The following TFB1M variants were observed in gnomAD, a reference collection of about 807,000 sequenced individuals.
The protein encoded by TFB1M is transcription factor B1, mitochondrial.
TFB1M carries 27 observed loss-of-function variants against 31.1 expected under a neutral mutation model. That is an observed-to-expected ratio of 0.87 (90% confidence interval 0.64 to 1.20). TFB1M has a LOEUF of 1.20. Ranked by LOEUF, TFB1M falls within the 50% of genes most tolerant of loss-of-function variation. The probability of loss-of-function intolerance (pLI) is 0.00; values close to 1 mark genes in which losing one functional copy is unlikely to be tolerated. For missense variants in TFB1M, 394 were observed against 418.7 expected, an observed-to-expected ratio of 0.94 and a Z score of 0.51; for synonymous variants, 166 against 151.8, an observed-to-expected ratio of 1.09 and a Z score of -0.69.
At chr6:155,311,871 AT>A (rs1160989796) in intron 1 of TFB1M, among the ~76,000 whole-genome samples, 1 of 152,194 alleles carries the variant, frequency 6.6e-6, no homozygotes, top group Non-Finnish European at 1.5e-5. Context: ...AGATCGTAAG[AT>A]TTTCAGAAAT....
rs1201439884 is a variant in TFB1M, at chr6:155,256,931, C to T, written c.*905G>A. On this transcript the variant is annotated 3_prime_UTR_variant, in exon 7 of 7. Coordinates refer to ENST00000367166, the MANE Select transcript of TFB1M (RefSeq NM_016020.4). The stretch of plus-strand genomic sequence containing the variant: ...CACTTCTGCCCCATTAAACGAAAAG[C>T]CAACAGCACCAAGAGGGACAGAGGA... 6.2e-7 allele frequency: 1 copy of T among 1,614,174 alleles called. No individual in the cohort carries two copies. Among genetic ancestry groups the T allele is most frequent in the Non-Finnish European group, 8.5e-7 (1 of 1,180,034 alleles).
At chr6:155,277,909 T>C (rs1219331106) in intron 5 of TFB1M, among the ~76,000 whole-genome samples, 5 of 152,242 alleles carry the variant, frequency 3.3e-5, no homozygotes, top group African/African-American at 4.8e-5. Context: ...ACATAGTCTA[T>C]GTAGCCTTTA....
At chr6:155,285,034 T>C (rs923754233) in intron 5 of TFB1M, 124 bp downstream of exon 5, 3 of 1,270,604 alleles carry the variant, frequency 2.4e-6, no homozygotes, top group African/African-American at 3.0e-5. Context: ...TATTCAGAAG[T>C]AAAGTACAGT....
intron 5 of TFB1M, among the ~76,000 whole-genome samples, chr6:155,261,962 G>C (rs1456334115): frequency 6.6e-6 from 1 of 152,196 alleles, no homozygotes; most frequent in African/African-American, 2.4e-5. Flanking sequence ...ATAAATTTTA[G>C]TAAGTTTTTT....
chr6:155,314,435 C>T lies in TFB1M; in HGVS notation c.-7G>A. On this transcript the variant is annotated 5_prime_UTR_variant, in exon 1 of 7. Coordinates refer to ENST00000367166, the MANE Select transcript of TFB1M (RefSeq NM_016020.4). Reference sequence around the variant, plus strand: ...GTTTTCCGGAGGCAGCCATGATACGCGGCAAGCACCATCCAACCCTACCTC... The same window carrying T: ...GTTTTCCGGAGGCAGCCATGATACGTGGCAAGCACCATCCAACCCTACCTC... The T allele has an allele frequency of 6.2e-7, 1 of 1,614,108 alleles. No homozygotes were observed. The highest frequency in any genetic ancestry group is 8.5e-7 in the Non-Finnish European group (1 of 1,179,992).
intron 2 of TFB1M, among the ~76,000 whole-genome samples, chr6:155,305,140 T>A (rs1199166478): frequency 1.1e-5 from 1 of 89,988 alleles, no homozygotes; most frequent in Non-Finnish European, 1.9e-5. Context: ...AATTATATAT[T>A]TATATATATA....
At chr6:155,269,822 C>T (rs1784840475) in intron 5 of TFB1M, among the ~76,000 whole-genome samples, 1 of 152,292 alleles carries the variant, frequency 6.6e-6, no homozygotes, top group Non-Finnish European at 1.5e-5. Flanking sequence ...TTTAATCATT[C>T]AAGTGCAATT....
chr6:155,240,818 G>GT, the TFB1M span: 7 of 1,117,252 alleles, frequency 6.3e-6, 1 homozygote, highest in African/African-American at 1.1e-4. Context: ...CCACTCCCCA[G>GT]GGGGGGACAC....
the TFB1M span, among the ~76,000 whole-genome samples, chr6:155,246,532 C>T: frequency 1.3e-5 from 2 of 152,136 alleles, no homozygotes; most frequent in Non-Finnish European, 2.9e-5. Context: ...AAATGGGTCT[C>T]ACTGTGTTGC....
Position 155,311,039 on chromosome 6 carries a change from T to C in TFB1M, c.285+149A>G, listed in dbSNP as rs144890568. 209 of 842,592 alleles carry C rather than the reference T, an allele frequency of 2.5e-4. 1 individual carries two copies. The African/African-American group carries it at 3.2e-3, about 13-fold the overall frequency. The allele number at this position is 842,592 out of a possible 1,614,324, so 52.2% of individuals were successfully genotyped here. On this transcript the variant is annotated intron_variant, in intron 2 of 6. Transcript: ENST00000367166. The stretch of plus-strand genomic sequence containing the variant: ...GAGATTTCCAGATTTCTCCAGACTA[T>C]GGAATCAAAATCTCTGGAATGGGGC...
the TFB1M span, among the ~76,000 whole-genome samples, chr6:155,231,026 G>C: frequency 6.6e-6 from 1 of 150,852 alleles, no homozygotes; most frequent in Admixed American, 6.6e-5. Flanking sequence ...ATTTTTAGTA[G>C]AGATGGGGTT....
At chr6:155,249,248 G>A in the TFB1M span, among the ~76,000 whole-genome samples, 1 of 152,060 alleles carries the variant, frequency 6.6e-6, no homozygotes, top group Non-Finnish European at 1.5e-5. Context: ...ATTCCCTCGC[G>A]GAAAGTTATG....
intron 6 of TFB1M, 38 bp downstream of exon 6, chr6:155,260,235 T>A (rs1784329702): frequency 1.2e-6 from 2 of 1,612,624 alleles, no homozygotes; most frequent in Non-Finnish European, 1.7e-6. Flanking sequence ...GAGGATTTTA[T>A]AAAGACTGCA....
chr6:155,241,297 A>C, the TFB1M span, among the ~76,000 whole-genome samples: 2 of 152,224 alleles, frequency 1.3e-5, no homozygotes. Flanking sequence ...GATTTTATGA[A>C]GAATACTGGA....
chr6:155,242,153 G>GC, the TFB1M span, among the ~76,000 whole-genome samples: 1 of 152,140 alleles, frequency 6.6e-6, no homozygotes, highest in South Asian at 2.1e-4. Context: ...GCAGCCCTTT[G>GC]CCCCCCGCAG....
the TFB1M span, chr6:155,248,202 G>A: frequency 2.1e-5 from 34 of 1,607,810 alleles, no homozygotes; most frequent in Middle Eastern, 2.0e-4. Flanking sequence ...CGGCACCTCC[G>A]GGCGAGGGCC....
At chr6:155,292,243 AT>A (rs1205553801) in intron 4 of TFB1M, among the ~76,000 whole-genome samples, 1 of 152,158 alleles carries the variant, frequency 6.6e-6, no homozygotes, top group East Asian at 1.9e-4. Context: ...TACCAGAGAC[AT>A]GGAAAACGCA....
intron 5 of TFB1M, among the ~76,000 whole-genome samples, chr6:155,276,869 A>T (rs1361095439): frequency 6.6e-6 from 1 of 152,222 alleles, no homozygotes; most frequent in East Asian, 1.9e-4. Context: ...CTCCATTCAG[A>T]TGCTGCTAAA....
intron 2 of TFB1M, among the ~76,000 whole-genome samples, chr6:155,305,659 T>A (rs1324419667): frequency 1.0e-4 from 5 of 49,626 alleles, no homozygotes; most frequent in Admixed American, 2.7e-4. Context: ...AATTATATAT[T>A]TATATATATA....
Sources: gnomAD v4.1 joint callset for allele counts (sites outside exome capture counted in the v4.1 genomes callset) on GRCh38, gnomAD v4.1.1 for gene constraint, MANE v1.5 for transcripts, NCBI Gene and HGNC (gene_info 2026-07-23, HGNC 2026-07-21) for gene names.